Variants in EXOC4 observed in about 807,000 individuals in gnomAD.
EXOC4 encodes SEC8-like 1.
EXOC4 carries 71 observed loss-of-function variants against 107.2 expected under a neutral mutation model. That is an observed-to-expected ratio of 0.66 (90% CI 0.55 to 0.81). The LOEUF (loss-of-function observed/expected upper bound fraction) is 0.81, where lower values mean the gene tolerates loss of function less well. Among genes scored for constraint, EXOC4 ranks in the 30% least tolerant of loss-of-function variants. The pLI is 0.00. For missense variants in EXOC4, 1,108 were observed against 1,189.6 expected, an observed-to-expected ratio of 0.93 and a Z score of 1.01; for synonymous variants, 456 against 441.2, an observed-to-expected ratio of 1.03 and a Z score of -0.42.
At chr7:133,322,930 C>T (rs1209248303) in intron 5 of EXOC4, among the ~76,000 whole-genome samples, 2 of 152,172 alleles carry the variant, frequency 1.3e-5, no homozygotes, top group African/African-American at 4.8e-5. Flanking sequence ...AGGTCCTTCA[C>T]ATCCTTTGTA....
At chr7:133,633,741 G>A (rs1802643407) in intron 10 of EXOC4, among the ~76,000 whole-genome samples, 1 of 152,020 alleles carries the variant, frequency 6.6e-6, no homozygotes, top group South Asian at 2.1e-4. Flanking sequence ...AGTTCTAGAG[G>A]AACTTATCAC....
chr7:133,665,155 A>G (rs1347907449), intron 10 of EXOC4, among the ~76,000 whole-genome samples: 3 of 152,176 alleles, frequency 2.0e-5, no homozygotes, highest in East Asian at 1.9e-4. Flanking sequence ...CACTTACACC[A>G]TGGTCACAGG....
chr7:133,548,699 C>T (rs1800530581), intron 9 of EXOC4, among the ~76,000 whole-genome samples: 1 of 152,214 alleles, frequency 6.6e-6, no homozygotes, highest in Non-Finnish European at 1.5e-5. Flanking sequence ...GCAGCTTTCT[C>T]ACCTCTCTCA....
At chr7:133,417,438 A>C (rs1371738254) in intron 7 of EXOC4, among the ~76,000 whole-genome samples, 2 of 152,194 alleles carry the variant, frequency 1.3e-5, no homozygotes, top group Admixed American at 1.3e-4. Context: ...TAAGGTGTTA[A>C]ATGGTTTTGT....
At chr7:133,596,607 G>C (rs772298136) in intron 9 of EXOC4, among the ~76,000 whole-genome samples, 2 of 152,184 alleles carry the variant, frequency 1.3e-5, no homozygotes, top group Non-Finnish European at 2.9e-5. Context: ...CTCTCAAATA[G>C]GGTGAGCTTT....
chr7:133,350,356 G>A (rs2150644967), intron 5 of EXOC4, among the ~76,000 whole-genome samples: 1 of 152,140 alleles, frequency 6.6e-6, no homozygotes, highest in Admixed American at 6.5e-5. Context: ...TGTATATGGT[G>A]TTAGATAAGG....
Position 133,812,240 on chromosome 7 carries a change from G to T in EXOC4, c.1515-5085G>T, listed in dbSNP as rs142481568. Among the ~76,000 whole-genome samples the T allele has an allele frequency of 2.4e-3, 362 of 152,268 alleles. 5 individuals are homozygous for T. The highest frequency in any genetic ancestry group is 8.1e-3 in the African/African-American group (338 of 41,572). On this transcript the variant is annotated intron_variant, in intron 10 of 17. Transcript: ENST00000253861. ...GATAGTAATTCTAAAAACCGCAGCA[G>T]CACCATTTACTAAGCAGTTACTGTG...
chr7:133,920,464 T>C (rs1034735591), intron 13 of EXOC4, among the ~76,000 whole-genome samples: 8 of 152,204 alleles, frequency 5.3e-5, no homozygotes, highest in African/African-American at 1.9e-4. Flanking sequence ...ACCATATTAG[T>C]TATACTTCTT....
intron 10 of EXOC4, among the ~76,000 whole-genome samples, chr7:133,725,639 G>A (rs1795199450): frequency 6.6e-6 from 1 of 152,168 alleles, no homozygotes; most frequent in Non-Finnish European, 1.5e-5. Context: ...GCCGTCCAAA[G>A]TGCTGGGATT....
At chr7:134,045,436 A>C (rs1017576204) in intron 17 of EXOC4, among the ~76,000 whole-genome samples, 1 of 152,160 alleles carries the variant, frequency 6.6e-6, no homozygotes, top group Non-Finnish European at 1.5e-5. Flanking sequence ...AGATGTTGCC[A>C]TATCTGTCAG....
intron 7 of EXOC4, among the ~76,000 whole-genome samples, chr7:133,424,251 G>A (rs1797672141): frequency 6.6e-6 from 1 of 151,948 alleles, no homozygotes; most frequent in South Asian, 2.1e-4. Context: ...GCCTTTATGA[G>A]CTGTAACACT....
chr7:133,373,597 A>T (rs2150687615), intron 6 of EXOC4, among the ~76,000 whole-genome samples: 1 of 152,344 alleles, frequency 6.6e-6, no homozygotes, highest in African/African-American at 2.4e-5. Flanking sequence ...GATTGTAGTT[A>T]TAACCCCTTA....
intron 12 of EXOC4, among the ~76,000 whole-genome samples, chr7:133,909,120 T>C (rs1460971747): frequency 6.6e-6 from 1 of 152,222 alleles, no homozygotes; most frequent in Non-Finnish European, 1.5e-5. Context: ...ATGTCGTTTG[T>C]TATTTTCCTG....
intron 10 of EXOC4, among the ~76,000 whole-genome samples, chr7:133,804,583 G>A (rs1224318824): frequency 6.6e-6 from 1 of 152,098 alleles, no homozygotes; most frequent in Non-Finnish European, 1.5e-5. Flanking sequence ...AATAACCATG[G>A]AGCCAGTTTG....
rs559035446 is a variant in EXOC4, at chr7:133,676,927, CTGTGTGTGTGTGTG to C, written c.1514+46802_1514+46815del. On this transcript the variant is annotated intron_variant, in intron 10 of 17. Coordinates refer to ENST00000253861, the MANE Select transcript of EXOC4 (RefSeq NM_021807.4). ...ATTATTGGGGGGTATGTAGTAAACTCTGTGTGTGTGTGTGTGTGTGTGTGTGTGTATGTGTGTGT... is the reference window on the plus strand; with the variant it reads ...ATTATTGGGGGGTATGTAGTAAACTCTGTGTGTGTGTGTGTATGTGTGTGT... Among the ~76,000 whole-genome samples the C allele has an allele frequency of 5.6e-5, 7 of 124,722 alleles. No individual in the cohort carries two copies. The South Asian group carries it at 1.9e-3, about 35-fold the overall frequency. The allele number at this position is 124,722 out of a possible 152,430, so 81.8% of individuals were successfully genotyped here.
In EXOC4 at chr7:133,404,185, C is replaced by T. The variant is rs759532228; in HGVS notation, c.1182+29183C>T. Among the ~76,000 whole-genome samples, 116 of 152,210 alleles carry T rather than the reference C, an allele frequency of 7.6e-4. 1 individual carries two copies. The highest frequency in any genetic ancestry group is 1.2e-3 in the Non-Finnish European group (84 of 68,004). Reference sequence around the variant, plus strand: ...CACAATCTTGGCTCACTGCAAGCTCCGCTTCCCGGTTTCACGCCATTCTTC... The same window carrying T: ...CACAATCTTGGCTCACTGCAAGCTCTGCTTCCCGGTTTCACGCCATTCTTC... On this transcript the variant is annotated intron_variant, in intron 7 of 17. Coordinates refer to ENST00000253861, the MANE Select transcript of EXOC4 (RefSeq NM_021807.4).
chr7:133,454,963 G>A lies in EXOC4; in HGVS notation c.1183-20365G>A, dbSNP rs6943006. ...AAAATATAAAAATTAGCCATGTATC[G>A]TGGTCACAGCTACTTGGGAGGCTGA... On this transcript the variant is annotated intron_variant, in intron 7 of 17. Coordinates refer to ENST00000253861, the MANE Select transcript of EXOC4 (RefSeq NM_021807.4). Among the ~76,000 whole-genome samples, 8 of 151,992 alleles carry A rather than the reference G, an allele frequency of 5.3e-5. No homozygotes were observed. The East Asian group carries it at 5.8e-4, about 11-fold the overall frequency.
intron 7 of EXOC4, among the ~76,000 whole-genome samples, chr7:133,381,894 T>C (rs1796626762): frequency 6.6e-6 from 1 of 152,172 alleles, no homozygotes; most frequent in South Asian, 2.1e-4. Flanking sequence ...TGGACCATCA[T>C]CAGCATTATG....
At chr7:133,678,616 T>C (rs368292203) in intron 10 of EXOC4, among the ~76,000 whole-genome samples, 6 of 152,184 alleles carry the variant, frequency 3.9e-5, no homozygotes, top group African/African-American at 1.2e-4. Flanking sequence ...TTTTTTTTTT[T>C]TTCTTCTTTG....
Sources: gnomAD v4.1 joint callset for allele counts (sites outside exome capture counted in the v4.1 genomes callset) on GRCh38, gnomAD v4.1.1 for gene constraint, MANE v1.5 for transcripts, NCBI Gene and HGNC (gene_info 2026-07-23, HGNC 2026-07-21) for gene names.